The following PDGFC variants were observed in gnomAD, a reference collection of about 807,000 sequenced individuals.
PDGFC encodes platelet-derived growth factor C.
In PDGFC, 12 loss-of-function variants were observed where a neutral mutation model predicts 35.5. The observed-to-expected ratio is 0.34, with a 90% CI of 0.22 to 0.55. PDGFC has a LOEUF of 0.55. Ranked by LOEUF, PDGFC falls within the 20% of genes least tolerant of loss-of-function variation. The pLI, the probability that PDGFC is intolerant of heterozygous loss-of-function variation, is 0.91. For synonymous variants in PDGFC, 159 were observed against 148.8 expected, an observed-to-expected ratio of 1.07 and a Z score of -0.50; for missense variants, 322 against 412.4, an observed-to-expected ratio of 0.78 and a Z score of 1.90.
chr4:156,907,059 G>T (rs572129755), intron 1 of PDGFC, among the ~76,000 whole-genome samples: 1 of 152,188 alleles, frequency 6.6e-6, no homozygotes, highest in Admixed American at 6.5e-5. Context: ...TATGAAATCT[G>T]TTTATTTTAC....
chr4:156,954,769 T>C (rs1732167449), intron 1 of PDGFC, among the ~76,000 whole-genome samples: 1 of 151,978 alleles, frequency 6.6e-6, no homozygotes, highest in South Asian at 2.1e-4. Flanking sequence ...TTCCTTAAAA[T>C]GAAGCCAGAC....
intron 1 of PDGFC, among the ~76,000 whole-genome samples, chr4:156,869,566 T>C (rs1729929959): frequency 6.6e-6 from 1 of 152,168 alleles, no homozygotes; most frequent in South Asian, 2.1e-4. Flanking sequence ...AAAACCTCAG[T>C]TTTCCAGCCC....
In PDGFC at chr4:156,970,867, G is replaced by C. The variant is rs757786156; in HGVS notation, c.37C>G (p.Leu13Val). The C allele has an allele frequency of 6.2e-7, 1 of 1,613,994 alleles. No homozygotes were observed. Among genetic ancestry groups the C allele is most frequent in the South Asian group, 1.1e-5 (1 of 91,062 alleles). ...LFGLLLLTSA[L>V]AGQRQGTQAE... Reference sequence around the variant, plus strand: ...TGAGTCCCCTGTCTCTGGCCGGCCAGGGCAGATGTCAGCAGGAGAAGCCCG... The same window carrying C: ...TGAGTCCCCTGTCTCTGGCCGGCCACGGCAGATGTCAGCAGGAGAAGCCCG... The change falls in exon 1 of 6, where the codon CTG (leucine) becomes GTG (valine). Residue 13 changes from leucine (L) to valine (V), a missense_variant. This residue lies in a region of PDGFC where 120 missense variants were observed against 116.6 expected (regional missense o/e 1.03). Coordinates refer to ENST00000502773, the MANE Select transcript of PDGFC (RefSeq NM_016205.3).
At chr4:156,799,390 A>G (rs970613817) in intron 3 of PDGFC, among the ~76,000 whole-genome samples, 1 of 152,134 alleles carries the variant, frequency 6.6e-6, no homozygotes, top group Non-Finnish European at 1.5e-5. Flanking sequence ...GTCACATTGC[A>G]AAAAGCCGAA....
intron 1 of PDGFC, chr4:156,861,634 T>C (rs553681430): frequency 1.3e-5 from 4 of 311,286 alleles, no homozygotes; most frequent in South Asian, 1.1e-4. Flanking sequence ...AAAATGACTA[T>C]CTGAGTCAGT....
intron 1 of PDGFC, among the ~76,000 whole-genome samples, chr4:156,939,426 C>T (rs1458792826): frequency 2.0e-5 from 3 of 152,038 alleles, no homozygotes; most frequent in African/African-American, 7.2e-5. Flanking sequence ...GTCAGCAAGG[C>T]CTTATTCTCA....
intron 3 of PDGFC, among the ~76,000 whole-genome samples, chr4:156,801,808 A>G (rs1464876116): frequency 6.6e-6 from 1 of 152,228 alleles, no homozygotes; most frequent in Non-Finnish European, 1.5e-5. Flanking sequence ...TGAAAGGAAA[A>G]TAAAAACTCA....
chr4:156,795,508 T>C (rs778510611), intron 3 of PDGFC, among the ~76,000 whole-genome samples: 5 of 152,100 alleles, frequency 3.3e-5, no homozygotes, highest in Non-Finnish European at 7.4e-5. Context: ...AGGCCCTAAA[T>C]GATGAGTGGT....
chr4:156,970,502 G>A (rs1732565802), intron 1 of PDGFC, among the ~76,000 whole-genome samples: 1 of 152,168 alleles, frequency 6.6e-6, no homozygotes, highest in Non-Finnish European at 1.5e-5. Context: ...AGCAATGAGC[G>A]AACCTGCAAT....
intron 1 of PDGFC, among the ~76,000 whole-genome samples, chr4:156,871,190 T>C (rs1342264494): frequency 1.3e-5 from 2 of 152,078 alleles, no homozygotes; most frequent in African/African-American, 4.8e-5. Context: ...AATCAGCTTA[T>C]AATGGGAAGT....
intron 1 of PDGFC, among the ~76,000 whole-genome samples, chr4:156,944,440 C>T (rs1731887197): frequency 6.6e-6 from 1 of 152,118 alleles, no homozygotes; most frequent in Non-Finnish European, 1.5e-5. Context: ...TATTGATCTA[C>T]TCACATGCAC....
At chr4:156,848,048 GATAA>G (rs1185842819) in intron 2 of PDGFC, among the ~76,000 whole-genome samples, 1 of 151,428 alleles carries the variant, frequency 6.6e-6, no homozygotes, top group Non-Finnish European at 1.5e-5. Context: ...ATAAATTCCA[GATAA>G]ATAAAGAAAA....
chr4:156,788,865 T>C (rs1426381805), intron 3 of PDGFC, among the ~76,000 whole-genome samples: 2 of 152,236 alleles, frequency 1.3e-5, no homozygotes, highest in African/African-American at 4.8e-5. Context: ...CAAAATATTA[T>C]GAAAATAATT....
chr4:156,960,463 G>A (rs890563435), intron 1 of PDGFC, among the ~76,000 whole-genome samples: 24 of 150,236 alleles, frequency 1.6e-4, no homozygotes, highest in African/African-American at 5.1e-4. Flanking sequence ...ACACACACAC[G>A]TGTGTGTGTG....
chr4:156,766,829 C>G (rs1028982971), intron 5 of PDGFC, among the ~76,000 whole-genome samples: 1 of 152,028 alleles, frequency 6.6e-6, no homozygotes, highest in Non-Finnish European at 1.5e-5. Flanking sequence ...GCACTGGATT[C>G]GCGAAGACAA....
intron 2 of PDGFC, among the ~76,000 whole-genome samples, chr4:156,832,691 C>G (rs577014877): frequency 6.6e-6 from 1 of 152,184 alleles, no homozygotes; most frequent in Non-Finnish European, 1.5e-5. Context: ...GGCGTTTGAA[C>G]TGCGTGGGTC....
chr4:156,944,365 C>G (rs767515496), intron 1 of PDGFC, among the ~76,000 whole-genome samples: 1 of 152,058 alleles, frequency 6.6e-6, no homozygotes, highest in Non-Finnish European at 1.5e-5. Flanking sequence ...AAAAAAAGGG[C>G]CTGTCTTCCA....
intron 1 of PDGFC, among the ~76,000 whole-genome samples, chr4:156,887,311 C>G (rs996200336): frequency 2.0e-5 from 3 of 152,092 alleles, no homozygotes; most frequent in Admixed American, 6.5e-5. Context: ...TCCTTTATCT[C>G]TGCTGTTTAG....
intron 2 of PDGFC, among the ~76,000 whole-genome samples, chr4:156,848,875 C>A (rs2111077791): frequency 6.6e-6 from 1 of 152,002 alleles, no homozygotes; most frequent in African/African-American, 2.4e-5. Flanking sequence ...AACTGGAACT[C>A]TAGGAGAAAG....
Sources: gnomAD v4.1 joint callset for allele counts (sites outside exome capture counted in the v4.1 genomes callset) on GRCh38, gnomAD v4.1.1 for gene constraint, gnomAD v4.1.1 regional missense constraint, MANE v1.5 for transcripts, NCBI Gene and HGNC (gene_info 2026-07-23, HGNC 2026-07-21) for gene names.